Variants in NCOA7 observed in about 807,000 individuals in gnomAD.
The protein encoded by NCOA7 is nuclear receptor coactivator 7.
A neutral mutation model predicts 104.3 loss-of-function variants in NCOA7; 45 were observed. That is an observed-to-expected ratio of 0.43 (90% CI 0.34 to 0.55). The LOEUF (loss-of-function observed/expected upper bound fraction) is 0.55, where lower values mean the gene tolerates loss of function less well. Among genes scored for constraint, NCOA7 ranks in the 20% least tolerant of loss-of-function variants. The probability of loss-of-function intolerance (pLI) is 0.02; values close to 1 mark genes in which losing one functional copy is unlikely to be tolerated. For synonymous variants in NCOA7, 398 were observed against 402.3 expected (o/e 0.99, Z 0.13); for missense variants, 1,041 against 1,119.7 (o/e 0.93, Z 1.00).
rs140662569 is a variant in NCOA7 at position 125,886,080 on chromosome 6, A to G, written c.884+737A>G. Among the ~76,000 whole-genome samples the G allele has an allele frequency of 2.4e-3, 359 of 152,182 alleles. 1 individual carries two copies. Among genetic ancestry groups the G allele is most frequent in the African/African-American group, 8.2e-3 (339 of 41,512 alleles). ...TTCTCTATAAAAGCCAGCAGTAAAA[A>G]ACTTTAAAAACCTTCAGTGATGGGA... On this transcript the variant is annotated intron_variant, in intron 8 of 15. Transcript: ENST00000392477.
chr6:125,908,002 C>A (rs1163399695), intron 10 of NCOA7, among the ~76,000 whole-genome samples: 1 of 152,140 alleles, frequency 6.6e-6, no homozygotes, highest in Non-Finnish European at 1.5e-5. Context: ...AGTGGTAAGT[C>A]CCAAGAAAGC....
intron 3 of NCOA7, 49 bp downstream of exon 3, chr6:125,855,289 A>C: frequency 7.1e-7 from 1 of 1,414,344 alleles, no homozygotes; most frequent in Non-Finnish European, 9.8e-7. Context: ...AAAATCTATA[A>C]GAATTTTTAA....
At chr6:125,790,676 G>C (rs887041376), upstream of NCOA7, 4 of 152,186 alleles carry the variant, frequency 2.6e-5, no homozygotes, top group East Asian at 1.9e-4. Context: ...GCCACTGGCC[G>C]GGAGGAGCTA....
At chr6:125,857,403 A>G (rs1436887505) in intron 3 of NCOA7, among the ~76,000 whole-genome samples, 2 of 150,648 alleles carry the variant, frequency 1.3e-5, no homozygotes, top group Non-Finnish European at 2.9e-5. Flanking sequence ...ACACTCAGCT[A>G]TATATATACA....
At chr6:125,866,579 A>C (rs1782459131) in intron 3 of NCOA7, among the ~76,000 whole-genome samples, 1 of 152,138 alleles carries the variant, frequency 6.6e-6, no homozygotes, top group African/African-American at 2.4e-5. Context: ...CATTTTGTGC[A>C]CTGGGAGACT....
chr6:125,924,953 G>A (rs1414332976), intron 13 of NCOA7, among the ~76,000 whole-genome samples: 1 of 152,134 alleles, frequency 6.6e-6, no homozygotes, highest in Non-Finnish European at 1.5e-5. Context: ...GTGGCCTAGA[G>A]GTAGGGGGCT....
chr6:125,801,660 C>T (rs1301553111), intron 1 of NCOA7, among the ~76,000 whole-genome samples: 1 of 152,144 alleles, frequency 6.6e-6, no homozygotes, highest in African/African-American at 2.4e-5. Context: ...TTCCTAACTT[C>T]TGTTGGTTTG....
At chr6:125,915,599 A>G (rs567996812) in intron 11 of NCOA7, 119 bp downstream of exon 11, 2 of 1,237,196 alleles carry the variant, frequency 1.6e-6, no homozygotes, top group Admixed American at 4.9e-5. Flanking sequence ...CTATGAAATT[A>G]CAGAGGAAAA....
rs1057124942 is a variant in NCOA7, at chr6:125,918,153, T to A, written c.2244+2673T>A. On this transcript the variant is annotated intron_variant, in intron 11 of 15. Coordinates refer to ENST00000392477, the MANE Select transcript of NCOA7 (RefSeq NM_181782.5). Reference sequence around the variant, plus strand: ...CCCTTTTTTTGTAGTGAGTTTGTGATCCCAAGATTTTATTTTCCTTTTACA... The same window carrying A: ...CCCTTTTTTTGTAGTGAGTTTGTGAACCCAAGATTTTATTTTCCTTTTACA... Among the ~76,000 whole-genome samples the A allele has an allele frequency of 2.0e-5, 3 of 152,212 alleles. No homozygotes were observed. The East Asian group carries it at 5.8e-4, about 29-fold the overall frequency.
chr6:125,892,351 T>C (rs981061023), intron 10 of NCOA7, among the ~76,000 whole-genome samples: 1 of 152,206 alleles, frequency 6.6e-6, no homozygotes, highest in Non-Finnish European at 1.5e-5. Context: ...AAATCTTTAA[T>C]GGTAAAATAG....
chr6:125,886,061 A>G (rs557632664), intron 8 of NCOA7, among the ~76,000 whole-genome samples: 2 of 152,230 alleles, frequency 1.3e-5, no homozygotes, highest in African/African-American at 4.8e-5. Flanking sequence ...CTGTTTCTCT[A>G]TAAAAGCCAG....
At chr6:125,908,434 T>C (rs6932705) in intron 10 of NCOA7, among the ~76,000 whole-genome samples, 107,183 of 152,070 alleles carry the variant, frequency 0.7, 37,853 homozygotes, top group East Asian at 0.77. Flanking sequence ...ACCACTTCTC[T>C]AACCCCTTTG....
chr6:125,817,753 G>T (rs1263939776), intron 2 of NCOA7, among the ~76,000 whole-genome samples: 1 of 152,176 alleles, frequency 6.6e-6, no homozygotes, highest in Non-Finnish European at 1.5e-5. Flanking sequence ...TAATTTTGAT[G>T]TGGTTCAATT....
chr6:125,882,709 G>T, intron 7 of NCOA7, 158 bp downstream of exon 7: 1 of 740,208 alleles, frequency 1.4e-6, no homozygotes, highest in Non-Finnish European at 2.1e-6. Flanking sequence ...TGGATGCCTG[G>T]AATTTTACTT....
chr6:125,879,672 TTC>T (rs1783657869), intron 5 of NCOA7, among the ~76,000 whole-genome samples: 1 of 152,204 alleles, frequency 6.6e-6, no homozygotes, highest in Non-Finnish European at 1.5e-5. Flanking sequence ...TAGCTCTGAA[TTC>T]TGTTTTATAA....
At position 125,828,846 on chromosome 6, in the gene NCOA7, C is replaced by T. The variant is rs149278749; in HGVS notation, c.50+13442C>T. Reference sequence around the variant, plus strand: ...GCCAGGAGATTTACAAATATGACCTCACTATGGTATTAGTTTTCTCATTTT... The same window carrying T: ...GCCAGGAGATTTACAAATATGACCTTACTATGGTATTAGTTTTCTCATTTT... On this transcript the variant is annotated intron_variant, in intron 2 of 15. Transcript: ENST00000392477. Among the ~76,000 whole-genome samples, 680 of 152,248 alleles carry T rather than the reference C, an allele frequency of 4.5e-3. 4 individuals are homozygous for T. The highest frequency in any genetic ancestry group is 0.016 in the African/African-American group (649 of 41,530).
chr6:125,890,628 C>T lies in NCOA7; in HGVS notation c.1928-14C>T, dbSNP rs778627530. 17 of 1,590,318 alleles carry T rather than the reference C, an allele frequency of 1.1e-5. No individual in the cohort carries two copies. The highest frequency in any genetic ancestry group is 1.7e-4 in the Middle Eastern group (1 of 5,938). On this transcript the variant is annotated splice_polypyrimidine_tract_variant and intron_variant, in intron 9 of 15. Transcript: ENST00000392477. ...TGTCAATATTGAGGAACAGTTTTTTCGTGTGTGATTCAGATATACTTCCTT... is the reference window on the plus strand; with the variant it reads ...TGTCAATATTGAGGAACAGTTTTTTTGTGTGTGATTCAGATATACTTCCTT...
intron 10 of NCOA7, among the ~76,000 whole-genome samples, chr6:125,895,371 G>T (rs1784921929): frequency 1.3e-5 from 2 of 151,974 alleles, no homozygotes; most frequent in African/African-American, 4.8e-5. Flanking sequence ...AGCTCATGGG[G>T]TTTAAATTTT....
At chr6:125,853,905 T>C (rs969803999) in intron 2 of NCOA7, among the ~76,000 whole-genome samples, 2 of 152,202 alleles carry the variant, frequency 1.3e-5, no homozygotes, top group Non-Finnish European at 2.9e-5. Flanking sequence ...GGGACCTCTC[T>C]AGCCTGCCAA....
Sources: gnomAD v4.1 joint callset for allele counts (sites outside exome capture counted in the v4.1 genomes callset) on GRCh38, gnomAD v4.1.1 for gene constraint, MANE v1.5 for transcripts, NCBI Gene and HGNC (gene_info 2026-07-23, HGNC 2026-07-21) for gene names.